RPL13A: variants seen among roughly 807,000 people sequenced by gnomAD.
RPL13A encodes the protein ribosomal protein L13a.
Under a neutral mutation model 30.8 loss-of-function variants are expected in RPL13A, and 4 were observed. The observed-to-expected ratio is 0.13, with a 90% CI of 0.06 to 0.30. The LOEUF (loss-of-function observed/expected upper bound fraction) is 0.30. Among genes scored for constraint, RPL13A ranks in the 10% least tolerant of loss-of-function variants. The pLI, the probability that RPL13A is intolerant of heterozygous loss-of-function variation, is 1.00. For missense variants in RPL13A, 196 were observed against 272.6 expected, an observed-to-expected ratio of 0.72 and a Z score of 1.98; for synonymous variants, 108 against 104.2, an observed-to-expected ratio of 1.04 and a Z score of -0.22.
chr19:49,491,219 T>G (rs56974957), intron 6 of RPL13A, 120 bp downstream of exon 6: 5 of 1,330,180 alleles, frequency 3.8e-6, no homozygotes, highest in Non-Finnish European at 3.2e-6. Context: ...GATGTCCCTG[T>G]GGGAATGGCG....
intron 5 of RPL13A, 42 bp from the exon 6 acceptor site, chr19:49,490,998 C>G (rs1220178221): frequency 1.9e-6 from 3 of 1,612,962 alleles, no homozygotes; most frequent in South Asian, 1.1e-5. Flanking sequence ...CCTTCCCTGT[C>G]TGTCCCTCCC....
rs897862243 is a variant in RPL13A at position 49,491,955 on chromosome 19, G to A, written c.*140G>A. The A allele has an allele frequency of 6.1e-6, 4 of 658,118 alleles. No homozygotes were observed. The African/African-American group carries it at 7.3e-5, about 12-fold the overall frequency. 40.8% of individuals were successfully genotyped at this position (658,118 alleles called of 1,614,324 possible). ...CATAGGAAGCTGGGAGCAAGGAAAGGGTCTTAGTCACTGCCTCCCGAAGTT... is the reference window on the plus strand; with the variant it reads ...CATAGGAAGCTGGGAGCAAGGAAAGAGTCTTAGTCACTGCCTCCCGAAGTT... On this transcript the variant is annotated 3_prime_UTR_variant, in exon 8 of 8. Transcript: ENST00000391857.
intron 7 of RPL13A, 59 bp from the exon 8 acceptor site, chr19:49,491,670 A>G (rs2122626213): frequency 6.3e-7 from 1 of 1,586,260 alleles, no homozygotes; most frequent in African/African-American, 1.3e-5. Context: ...GATGCAGTCC[A>G]TGTAATGAGG....
chr19:49,488,734 C>T (rs923240652), intron 1 of RPL13A, among the ~76,000 whole-genome samples: 3 of 152,254 alleles, frequency 2.0e-5, no homozygotes, highest in African/African-American at 7.2e-5. Flanking sequence ...GAGACGGAGT[C>T]TCGCTGTGAC....
chr19:49,490,765 CTG>C lies in RPL13A; in HGVS notation c.257-12_257-11del. 1.2e-6 allele frequency: 2 copies of C among 1,614,062 alleles called. No individual in the cohort carries two copies. Among genetic ancestry groups the C allele is most frequent in the Non-Finnish European group, 8.5e-7 (1 of 1,179,936 alleles). On this transcript the variant is annotated splice_polypyrimidine_tract_variant and intron_variant, in intron 4 of 7. Transcript: ENST00000391857. ...GAGGCCCTCTGACTGGGCCTGCTAT[CTG>C]TCACCCAACAGGTATGCTGCCCCAC...
chr19:49,491,979 T>G lies in RPL13A; in HGVS notation c.*164T>G, dbSNP rs1442441488. ...GGGTCTTAGTCACTGCCTCCCGAAG[T>G]TGCTTGAAAGCACTCGGAGAATTGT... On this transcript the variant is annotated 3_prime_UTR_variant, in exon 8 of 8. Coordinates refer to ENST00000391857, the MANE Select transcript of RPL13A (RefSeq NM_012423.4). 1.7e-6 allele frequency: 1 copy of G among 604,024 alleles called. No homozygotes were observed. 37.4% of individuals were successfully genotyped at this position (604,024 alleles called of 1,614,324 possible).
chr19:49,491,402 A>ACACCCCTCCC lies in RPL13A; in HGVS notation c.403-22_403-21insACCCCTCCCC, dbSNP rs2079867857. 1.6e-5 allele frequency: 3 copies of ACACCCCTCCC among 188,888 alleles called. No individual in the cohort carries two copies. The African/African-American group carries it at 1.8e-4, about 11-fold the overall frequency. The allele number at this position is 188,888 out of a possible 1,614,324, so 11.7% of individuals were successfully genotyped here. A position where few individuals can be genotyped will look rare whatever the true frequency, so the allele number is the denominator to read the frequency against. ...GATATCCTTACAACTTCATTTGTTC[A>ACACCCCTCCC]CCCCCCCCCCCCCCCCCCGCAGTTT... On this transcript the variant is annotated intron_variant, in intron 6 of 7. Transcript: ENST00000391857.
At chr19:49,490,186 G>A (rs149515283) in intron 2 of RPL13A, 46 bp from the exon 3 acceptor site, 1 of 1,577,868 alleles carries the variant, frequency 6.3e-7, no homozygotes, top group Non-Finnish European at 8.7e-7. Context: ...GGCAGTGGTG[G>A]GACCCTCAGG....
At chr19:49,491,364 G>T in intron 6 of RPL13A, 61 bp from the exon 7 acceptor site, 2 of 1,457,102 alleles carry the variant, frequency 1.4e-6, no homozygotes, top group South Asian at 2.3e-5. Context: ...GCTCTTCAGG[G>T]TGTGGGGGCT....
chr19:49,491,619 A>C, intron 7 of RPL13A, 72 bp downstream of exon 7: 1 of 1,560,178 alleles, frequency 6.4e-7, no homozygotes, highest in South Asian at 1.2e-5. Context: ...TTGCTCACAG[A>C]GTACTCTTAA....
At chr19:49,488,780 AT>A (rs1374377069) in intron 1 of RPL13A, among the ~76,000 whole-genome samples, 2 of 152,230 alleles carry the variant, frequency 1.3e-5, no homozygotes, top group Non-Finnish European at 2.9e-5. Context: ...ATCTTGGCTC[AT>A]TGCAACCTCT....
chr19:49,490,643 C>T, intron 4 of RPL13A, 67 bp downstream of exon 4: 3 of 1,581,388 alleles, frequency 1.9e-6, no homozygotes, highest in South Asian at 2.2e-5. Flanking sequence ...TTCTCCCACT[C>T]ACATTCGAGT....
chr19:49,491,992 C>CT lies in RPL13A; in HGVS notation c.*178dup, dbSNP rs2079876197. 1.7e-6 allele frequency: 1 copy of CT among 590,874 alleles called. No homozygotes were observed. Among genetic ancestry groups the CT allele is most frequent in the African/African-American group, 1.9e-5 (1 of 53,702 alleles). 36.6% of individuals were successfully genotyped at this position (590,874 alleles called of 1,614,324 possible). ...TGCCTCCCGAAGTTGCTTGAAAGCA[C>CT]TCGGAGAATTGTGCAGGTGTCATTT... is the stretch of plus-strand genomic sequence containing the variant. On this transcript the variant is annotated 3_prime_UTR_variant, in exon 8 of 8. Transcript: ENST00000391857.
intron 1 of RPL13A, among the ~76,000 whole-genome samples, chr19:49,488,223 G>T (rs1244552050): frequency 6.6e-6 from 1 of 152,110 alleles, no homozygotes; most frequent in Non-Finnish European, 1.5e-5. Flanking sequence ...CGTCGTTTTG[G>T]GGATTGGCGA....
At chr19:49,490,368 C>T in intron 3 of RPL13A, 71 bp downstream of exon 3, 2 of 1,589,616 alleles carry the variant, frequency 1.3e-6, no homozygotes, top group Non-Finnish European at 1.7e-6. Flanking sequence ...AAAGCAATTG[C>T]AGCCGTGTTG....
Position 49,490,388 on chromosome 19 carries a change from A to C in RPL13A, c.155-87A>C, listed in dbSNP as rs973768187. ...AATTGCAGCCGTGTTGGGAGAGGCT[A>C]CTTGGGGTTTCTGAGAAGGCCCTTG... On this transcript the variant is annotated intron_variant, in intron 3 of 7. Transcript: ENST00000391857. 5.0e-6 allele frequency: 8 copies of C among 1,586,618 alleles called. No homozygotes were observed. In the Admixed American group the frequency reaches 6.7e-5, roughly 13 times the overall value.
rs750969655 is a variant in RPL13A, at chr19:49,490,553, G to T, written c.233G>T (p.Arg78Leu). 6 of 1,614,156 alleles carry T rather than the reference G, an allele frequency of 3.7e-6. No homozygotes were observed. The highest frequency in any genetic ancestry group is 5.1e-6 in the Non-Finnish European group (6 of 1,180,038). ...CCCTACCACTTCCGGGCCCCCAGCCGCATCTTCTGGCGGACCGTGCGAGGT... is the reference window on the plus strand; with the variant it reads ...CCCTACCACTTCCGGGCCCCCAGCCTCATCTTCTGGCGGACCGTGCGAGGT... Reference protein sequence around the residue: ...RGPYHFRAPSRIFWRTVRGML... With the variant: ...RGPYHFRAPSLIFWRTVRGML... The change falls in exon 4 of 8, where the codon CGC becomes CTC. Residue 78 changes from arginine to leucine, a missense_variant. Arg to Leu is a moderately radical substitution (Grantham distance 102). Transcript: ENST00000391857.
chr19:49,490,224 C>T lies in RPL13A; in HGVS notation c.89-8C>T, dbSNP rs745861349. 7 of 1,613,928 alleles carry T rather than the reference C, an allele frequency of 4.3e-6. No individual in the cohort carries two copies. The highest frequency in any genetic ancestry group is 1.7e-5 in the Admixed American group (1 of 60,024). On this transcript the variant is annotated splice_polypyrimidine_tract_variant and splice_region_variant and intron_variant, in intron 2 of 7. Transcript: ENST00000391857. ...GCTCGGCCCTGCTAAGCCTTTCCCTCCCTCTAGGCCGGAAGGTGGTGGTCG... is the reference window on the plus strand; with the variant it reads ...GCTCGGCCCTGCTAAGCCTTTCCCTTCCTCTAGGCCGGAAGGTGGTGGTCG...
intron 1 of RPL13A, among the ~76,000 whole-genome samples, chr19:49,488,125 G>A (rs541185627): frequency 6.6e-6 from 1 of 152,208 alleles, no homozygotes; most frequent in African/African-American, 2.4e-5. Flanking sequence ...GGGGTCCCCT[G>A]CAGCTCCGGT....
Sources: gnomAD v4.1 joint callset for allele counts (sites outside exome capture counted in the v4.1 genomes callset) on GRCh38, gnomAD v4.1.1 for gene constraint, MANE v1.5 for transcripts, NCBI Gene and HGNC (gene_info 2026-07-23, HGNC 2026-07-21) for gene names.